STK32B: variants seen among roughly 807,000 people sequenced by gnomAD.
STK32B encodes serine/threonine kinase 32B.
Under a neutral mutation model 52.6 loss-of-function variants are expected in STK32B, and 43 were observed. That is an observed-to-expected ratio of 0.82 (90% confidence interval 0.64 to 1.05). STK32B has a LOEUF of 1.05. STK32B is among the 50% of genes least tolerant of loss of function. The pLI is 0.00. For synonymous variants in STK32B, 238 were observed against 204.3 expected (o/e 1.17, Z -1.41); for missense variants, 621 against 534.6 (o/e 1.16, Z -1.59).
intron 3 of STK32B, among the ~76,000 whole-genome samples, chr4:5,214,672 A>G (rs1463013861): frequency 1.3e-5 from 2 of 152,238 alleles, no homozygotes; most frequent in Admixed American, 6.5e-5. Flanking sequence ...AAAATCACTC[A>G]TGATCTCATA....
At chr4:5,186,850 T>G (rs569665784) in intron 3 of STK32B, among the ~76,000 whole-genome samples, 1 of 152,350 alleles carries the variant, frequency 6.6e-6, no homozygotes, top group South Asian at 2.1e-4. Context: ...CATCTTATGC[T>G]TTAAAGATAC....
At chr4:5,183,938 G>A (rs1720547263) in intron 3 of STK32B, among the ~76,000 whole-genome samples, 2 of 152,154 alleles carry the variant, frequency 1.3e-5, no homozygotes, top group Admixed American at 1.3e-4. Flanking sequence ...TTTGGCTTAA[G>A]GGGATGTTGT....
rs1717686106 is a variant in STK32B, at chr4:5,469,381, G to A, written c.1106+1311G>A. On this transcript the variant is annotated intron_variant, in intron 11 of 11. Transcript: ENST00000282908. The surrounding 1 kb of genome is among the most constrained non-coding windows in gnomAD (Gnocchi z 4.7). ...GCAGACACCTGGCTCAGCCTGGGTG[G>A]TTGGGGAAGTTCTCTAGGTGGCGTG... 6.6e-6 allele frequency among the ~76,000 whole-genome samples: 1 copy of A among 152,260 alleles called. No individual in the cohort carries two copies. The highest frequency in any genetic ancestry group is 6.5e-5 in the Admixed American group (1 of 15,292).
intron 3 of STK32B, among the ~76,000 whole-genome samples, chr4:5,288,039 C>T (rs1560287965): frequency 6.6e-6 from 1 of 152,130 alleles, no homozygotes; most frequent in South Asian, 2.1e-4. Flanking sequence ...TTCTTTCATT[C>T]ATCATAATGT....
At chr4:5,295,230 G>C (rs1391718842) in intron 3 of STK32B, among the ~76,000 whole-genome samples, 10 of 145,530 alleles carry the variant, frequency 6.9e-5, no homozygotes, top group Admixed American at 6.7e-4. Context: ...TTGGGTTGAA[G>C]TTTTCTTATT....
chr4:5,444,642 C>T (rs535241334), intron 6 of STK32B, among the ~76,000 whole-genome samples: 2 of 152,302 alleles, frequency 1.3e-5, no homozygotes, highest in East Asian at 3.9e-4. Flanking sequence ...CTTGGGCATT[C>T]TTAAGGATCA....
At chr4:5,289,878 G>C (rs903213975) in intron 3 of STK32B, among the ~76,000 whole-genome samples, 7 of 151,544 alleles carry the variant, frequency 4.6e-5, no homozygotes, top group Admixed American at 1.3e-4. Context: ...TTTTATTTTA[G>C]GTTCAGGGAT....
At chr4:5,078,144 C>G (rs1195640292) in intron 1 of STK32B, among the ~76,000 whole-genome samples, 1 of 152,004 alleles carries the variant, frequency 6.6e-6, no homozygotes, top group Non-Finnish European at 1.5e-5. Flanking sequence ...TCTCTTGCCT[C>G]TTTTATAAGG....
At chr4:5,045,350 A>G in the STK32B span, among the ~76,000 whole-genome samples, 2 of 152,198 alleles carry the variant, frequency 1.3e-5, no homozygotes, top group African/African-American at 2.4e-5. Flanking sequence ...TCTGTCTGCA[A>G]TACTTTCATT....
intron 4 of STK32B, among the ~76,000 whole-genome samples, chr4:5,351,375 A>G (rs1733813471): frequency 6.6e-6 from 1 of 152,136 alleles, no homozygotes; most frequent in Non-Finnish European, 1.5e-5. Context: ...CTAGTTCAAG[A>G]AAGAAGTTAA....
At chr4:5,414,634 T>G (rs1162587685) in intron 5 of STK32B, among the ~76,000 whole-genome samples, 26 of 152,210 alleles carry the variant, frequency 1.7e-4, no homozygotes, top group Non-Finnish European at 1.5e-5. Flanking sequence ...GAGTGACCCA[T>G]GCAGTATGAT....
chr4:5,304,730 G>A (rs907026567), intron 3 of STK32B, among the ~76,000 whole-genome samples: 8 of 151,952 alleles, frequency 5.3e-5, no homozygotes, highest in African/African-American at 1.5e-4. Context: ...CTGAATAGAA[G>A]TGGTGAAAGC....
chr4:5,283,804 A>G (rs1728365986), intron 3 of STK32B, among the ~76,000 whole-genome samples: 1 of 152,232 alleles, frequency 6.6e-6, no homozygotes, highest in African/African-American at 2.4e-5. Flanking sequence ...GTTCATCACC[A>G]TTAGACCTGC....
chr4:5,311,778 A>T (rs555985139), intron 3 of STK32B, among the ~76,000 whole-genome samples: 11 of 152,230 alleles, frequency 7.2e-5, no homozygotes, highest in African/African-American at 2.2e-4. Context: ...TTAAATTCAC[A>T]ATAGCTTCTG....
chr4:5,137,084 T>A (rs964098731), intron 1 of STK32B, among the ~76,000 whole-genome samples: 2 of 152,210 alleles, frequency 1.3e-5, no homozygotes, highest in African/African-American at 4.8e-5. Flanking sequence ...TATTCAGTAA[T>A]TAACACCTCC....
At chr4:5,319,810 C>CT (rs1465069667) in intron 3 of STK32B, among the ~76,000 whole-genome samples, 4 of 152,152 alleles carry the variant, frequency 2.6e-5, no homozygotes, top group African/African-American at 9.6e-5. Context: ...GGCTGAAACT[C>CT]TGAGAGCTCT....
intron 3 of STK32B, among the ~76,000 whole-genome samples, chr4:5,196,596 C>G (rs1212321837): frequency 1.3e-5 from 2 of 151,884 alleles, no homozygotes; most frequent in Non-Finnish European, 1.5e-5. Context: ...TGGCGCACGC[C>G]TATAATCCCA....
At chr4:5,142,996 G>T (rs560645147) in intron 2 of STK32B, among the ~76,000 whole-genome samples, 1 of 152,256 alleles carries the variant, frequency 6.6e-6, no homozygotes, top group South Asian at 2.1e-4. Context: ...CTCTTTTCTG[G>T]ATTTCCAGCC....
At chr4:5,051,110 T>C (rs1378100659), upstream of STK32B, among the ~76,000 whole-genome samples, 1 of 152,082 alleles carries the variant, frequency 6.6e-6, no homozygotes, top group East Asian at 1.9e-4. Context: ...CCCATCCCAA[T>C]ATGAATGGGC....
Sources: allele counts gnomAD v4.1 joint callset (sites outside exome capture counted in the v4.1 genomes callset), GRCh38; gene constraint gnomAD v4.1.1; non-coding constraint Gnocchi (gnomAD v3.1); transcripts MANE v1.5; gene names NCBI Gene and HGNC (gene_info 2026-07-23, HGNC 2026-07-21).